The following PPP2R1B variants were observed in gnomAD, a reference collection of about 807,000 sequenced individuals.
The protein encoded by PPP2R1B is protein phosphatase 2 scaffold subunit Abeta.
In PPP2R1B, 58 loss-of-function variants were observed where a neutral mutation model predicts 72.7. The ratio of observed to expected loss-of-function variants is 0.80; its 90% CI spans 0.65 to 0.99. PPP2R1B has a LOEUF of 0.99. Ranked by LOEUF, PPP2R1B falls within the 50% of genes least tolerant of loss-of-function variation. The pLI, the probability that PPP2R1B is intolerant of heterozygous loss-of-function variation, is 0.00. For missense variants in PPP2R1B, 695 were observed against 733.6 expected, an observed-to-expected ratio of 0.95 and a Z score of 0.61; for synonymous variants, 256 against 264.6, an observed-to-expected ratio of 0.97 and a Z score of 0.32.
At chr11:111,755,559 C>T in intron 5 of PPP2R1B, 109 bp from the exon 6 acceptor site, 3 of 942,646 alleles carry the variant, frequency 3.2e-6, no homozygotes, top group South Asian at 2.3e-5. Flanking sequence ...ACTGCCACAC[C>T]TTATATAGTT....
At chr11:111,755,237 C>T in intron 6 of PPP2R1B, 58 bp downstream of exon 6, 5 of 1,556,924 alleles carry the variant, frequency 3.2e-6, no homozygotes, top group African/African-American at 1.4e-5. Flanking sequence ...TTGGGTACAA[C>T]AGCAAATCTA....
Position 111,758,386 on chromosome 11 carries a change from TG to T in PPP2R1B, c.687+1417del, listed in dbSNP as rs1466909489. On this transcript the variant is annotated intron_variant, in intron 5 of 14. Coordinates refer to ENST00000527614, the MANE Select transcript of PPP2R1B (RefSeq NM_002716.5). ...GTGGGCGGATCACAAGGTCAAGAGATGGAGACCATCCTGGTCAACATGGTGA... is the reference window on the plus strand; with the variant it reads ...GTGGGCGGATCACAAGGTCAAGAGATGAGACCATCCTGGTCAACATGGTGA... Among the ~76,000 whole-genome samples the T allele has an allele frequency of 3.3e-5, 5 of 152,276 alleles. No homozygotes were observed. In the East Asian group the frequency reaches 9.7e-4, roughly 29 times the overall value.
chr11:111,698,257 A>C, the PPP2R1B span, among the ~76,000 whole-genome samples: 1 of 152,230 alleles, frequency 6.6e-6, no homozygotes, highest in African/African-American at 2.4e-5. Flanking sequence ...AAACTGGGCT[A>C]CCACGGGTCC....
At chr11:111,709,269 C>T in the PPP2R1B span, among the ~76,000 whole-genome samples, 9 of 152,240 alleles carry the variant, frequency 5.9e-5, no homozygotes, top group African/African-American at 1.9e-4. Flanking sequence ...TAAGGATACC[C>T]GCTGTGTGGG....
chr11:111,754,488 G>C lies in PPP2R1B; in HGVS notation c.1029+11C>G, dbSNP rs45519543. The C allele has an allele frequency of 1.6e-4, 249 of 1,588,046 alleles. 1 individual carries two copies. Among genetic ancestry groups the C allele is most frequent in the South Asian group, 9.9e-4 (84 of 85,094 alleles). On this transcript the variant is annotated intron_variant, in intron 8 of 14. Coordinates refer to ENST00000527614, the MANE Select transcript of PPP2R1B (RefSeq NM_002716.5). ...ATAAAAGAGAGTGAAACAAAATAAA[G>C]TCAGGTTTACCTTTATATAAGGCAG...
At chr11:111,710,887 C>G in the PPP2R1B span, among the ~76,000 whole-genome samples, 5 of 152,212 alleles carry the variant, frequency 3.3e-5, no homozygotes, top group African/African-American at 1.2e-4. Flanking sequence ...AATTCACCAT[C>G]CTGTATCCCT....
the PPP2R1B span, among the ~76,000 whole-genome samples, chr11:111,714,555 G>C: frequency 1.3e-5 from 2 of 152,202 alleles, no homozygotes; most frequent in Non-Finnish European, 2.9e-5. Flanking sequence ...GCCTGAACTA[G>C]AATAGTGGCA....
intron 5 of PPP2R1B, among the ~76,000 whole-genome samples, chr11:111,758,330 G>A (rs781992450): frequency 2.0e-5 from 3 of 152,114 alleles, no homozygotes; most frequent in Non-Finnish European, 4.4e-5. Flanking sequence ...GGTGGCTCAC[G>A]CCTGTAATCC....
chr11:111,730,558 A>G lies in PPP2R1B; in HGVS notation c.1912-3501T>C, dbSNP rs566481521. The G allele has an allele frequency of 3.9e-5, 6 of 152,294 alleles. No homozygotes were observed. In the East Asian group the frequency reaches 9.6e-4, roughly 24 times the overall value. 9.4% of individuals were successfully genotyped at this position (152,294 alleles called of 1,614,324 possible). Reference sequence around the variant, plus strand: ...TTGGTCTGAAAGAGTTACTTTTGATAAAGTTAATCTAACTGTAGTTATATT... The same window carrying G: ...TTGGTCTGAAAGAGTTACTTTTGATGAAGTTAATCTAACTGTAGTTATATT... On this transcript the variant is annotated intron_variant, in intron 15 of 15. Transcript: ENST00000311129.
the PPP2R1B span, among the ~76,000 whole-genome samples, chr11:111,694,193 C>T: frequency 6.6e-6 from 1 of 152,046 alleles, no homozygotes; most frequent in South Asian, 2.1e-4. Context: ...GAAAACAAAG[C>T]CTTAAAATTT....
downstream of PPP2R1B, chr11:111,737,850 C>T: frequency 4.0e-6 from 5 of 1,247,438 alleles, no homozygotes; most frequent in Non-Finnish European, 5.1e-6. Flanking sequence ...GTCTCCAGAG[C>T]CCCAACCACA....
intron 9 of PPP2R1B, among the ~76,000 whole-genome samples, chr11:111,752,938 G>A (rs1431490734): frequency 6.6e-6 from 1 of 151,740 alleles, no homozygotes; most frequent in Non-Finnish European, 1.5e-5. Context: ...ACTCCAGCCT[G>A]GGCGACAGAG....
In PPP2R1B at chr11:111,738,702, G is replaced by A; in HGVS notation, c.*2894C>T. 2 of 985,386 alleles carry A rather than the reference G, an allele frequency of 2.0e-6. No individual in the cohort carries two copies. The highest frequency in any genetic ancestry group is 9.4e-5 in the South Asian group (2 of 21,288). 61.0% of individuals were successfully genotyped at this position (985,386 alleles called of 1,614,324 possible). Reference sequence around the variant, plus strand: ...CTCGTTAGAAACCACATATTCACCTGCCTTCCTTCTTATGAAACAAGATGC... The same window carrying A: ...CTCGTTAGAAACCACATATTCACCTACCTTCCTTCTTATGAAACAAGATGC... On this transcript the variant is annotated 3_prime_UTR_variant, in exon 15 of 15. Transcript: ENST00000527614.
chr11:111,764,641 G>A (rs1165581544), intron 3 of PPP2R1B, among the ~76,000 whole-genome samples, 164 bp downstream of exon 3: 2 of 151,644 alleles, frequency 1.3e-5, no homozygotes, highest in African/African-American at 4.8e-5. Flanking sequence ...AAGGAGTTGA[G>A]TGCAAAGTGC....
the PPP2R1B span, among the ~76,000 whole-genome samples, chr11:111,702,739 A>G: frequency 6.6e-6 from 1 of 152,230 alleles, no homozygotes; most frequent in Non-Finnish European, 1.5e-5. Context: ...AGTCAGAAGT[A>G]AGTAATATTT....
the PPP2R1B span, among the ~76,000 whole-genome samples, chr11:111,695,308 C>T: frequency 6.6e-6 from 1 of 152,160 alleles, no homozygotes; most frequent in Non-Finnish European, 1.5e-5. Context: ...GACATTATAA[C>T]ACACTGCTGG....
In PPP2R1B at chr11:111,738,195, CAGG is replaced by C. The variant is rs747825100; in HGVS notation, c.*3398_*3400del. The C allele has an allele frequency of 1.3e-5, 13 of 985,750 alleles. No individual in the cohort carries two copies. Among genetic ancestry groups the C allele is most frequent in the Non-Finnish European group, 1.6e-5 (13 of 830,198 alleles). 61.1% of individuals were successfully genotyped at this position (985,750 alleles called of 1,614,324 possible). A position where few individuals can be genotyped will look rare whatever the true frequency, so the allele number is the denominator to read the frequency against. ...ACTGCAGTCACCTCAGCTGCTAAAC[CAGG>C]AGAACACTGGGCAACAGGGCCTCTC... is the stretch of plus-strand genomic sequence containing the variant. On this transcript the variant is annotated 3_prime_UTR_variant, in exon 15 of 15. Coordinates refer to ENST00000527614, the MANE Select transcript of PPP2R1B (RefSeq NM_002716.5).
chr11:111,722,360 G>A (rs1414379673), downstream of PPP2R1B, among the ~76,000 whole-genome samples: 1 of 152,252 alleles, frequency 6.6e-6, no homozygotes, highest in African/African-American at 2.4e-5. This position sits in a 1 kb window ranked among gnomAD's most constrained non-coding sequence, Gnocchi z 4.4. Flanking sequence ...TTCAGCGGGT[G>A]CTGGGGCCTT....
chr11:111,749,840 T>C (rs1944837491), intron 10 of PPP2R1B, among the ~76,000 whole-genome samples: 3 of 152,244 alleles, frequency 2.0e-5, no homozygotes, highest in Admixed American at 2.0e-4. Flanking sequence ...GCTTTCACAC[T>C]GCTCTCTATA....
Sources: allele counts gnomAD v4.1 joint callset (sites outside exome capture counted in the v4.1 genomes callset), GRCh38; gene constraint gnomAD v4.1.1; non-coding constraint Gnocchi (gnomAD v3.1); transcripts MANE v1.5; gene names NCBI Gene and HGNC (gene_info 2026-07-23, HGNC 2026-07-21).